The following LMCD1 variants were observed in gnomAD, a reference collection of about 807,000 sequenced individuals.
LMCD1 encodes the protein LIM and cysteine-rich domains protein 1.
In LMCD1, 32 loss-of-function variants were observed where a neutral mutation model predicts 42.7. The ratio of observed to expected loss-of-function variants is 0.75; its 90% CI spans 0.57 to 1.01. The LOEUF is 1.01. Among genes scored for constraint, LMCD1 ranks in the 50% least tolerant of loss-of-function variants. LMCD1 has a pLI of 0.00. For synonymous variants in LMCD1, 178 were observed against 184.9 expected (o/e 0.96, Z 0.30); for missense variants, 458 against 483.1 (o/e 0.95, Z 0.49).
intron 2 of LMCD1, 25 bp downstream of exon 2, chr3:8,532,850 C>T (rs777378474): frequency 1.9e-6 from 3 of 1,588,728 alleles, no homozygotes. Context: ...CAGGAGGGTC[C>T]CTGTCTGCCT....
chr3:8,539,795 T>TTTTA (rs773512441), intron 3 of LMCD1, among the ~76,000 whole-genome samples: 5 of 139,842 alleles, frequency 3.6e-5, no homozygotes, highest in Non-Finnish European at 6.2e-5. Context: ...TCCCAACATT[T>TTTTA]TTATTATTAT....
At chr3:8,510,958 C>A (rs895591324) in intron 1 of LMCD1, among the ~76,000 whole-genome samples, 1 of 152,226 alleles carries the variant, frequency 6.6e-6, no homozygotes, top group Non-Finnish European at 1.5e-5. Flanking sequence ...ATATACACAT[C>A]TATGCATAGG....
Position 8,532,772 on chromosome 3 carries a change from G to A in LMCD1, c.78G>A (p.Val26=), listed in dbSNP as rs1190205067. The stretch of plus-strand genomic sequence containing the variant: ...GCCAGCTGCAGTCAGCAAGAGGTGT[G>A]GCATGTTTGGGATGCAAGGGGACGT... ...SLGQLQSARG[V]ACLGCKGTCS... is the part of the protein sequence containing the mutation. Residue 26 remains valine (V), a synonymous_variant, in exon 2 of 6, where the codon GTG becomes GTA. Coordinates refer to ENST00000157600, the MANE Select transcript of LMCD1 (RefSeq NM_014583.4). 6.2e-7 allele frequency: 1 copy of A among 1,613,826 alleles called. No homozygotes were observed. Among genetic ancestry groups the A allele is most frequent in the Non-Finnish European group, 8.5e-7 (1 of 1,179,932 alleles).
intron 1 of LMCD1, among the ~76,000 whole-genome samples, chr3:8,510,734 G>T (rs764403325): frequency 1.1e-4 from 17 of 152,114 alleles, no homozygotes; most frequent in Non-Finnish European, 2.1e-4. Context: ...CATTAACTTA[G>T]TAAAGGCACA....
At chr3:8,557,453 T>A (rs1694946737) in intron 4 of LMCD1, among the ~76,000 whole-genome samples, 1 of 152,238 alleles carries the variant, frequency 6.6e-6, no homozygotes, top group African/African-American at 2.4e-5. Flanking sequence ...TTAGACTGGA[T>A]AGGCCTTTGG....
chr3:8,534,939 CT>C (rs1452574322), intron 2 of LMCD1, among the ~76,000 whole-genome samples: 1 of 152,074 alleles, frequency 6.6e-6, no homozygotes, highest in Non-Finnish European at 1.5e-5. Context: ...GATCTGTTAA[CT>C]TTTTTTTGTT....
chr3:8,561,624 T>A (rs542585654), intron 4 of LMCD1, among the ~76,000 whole-genome samples: 1 of 152,348 alleles, frequency 6.6e-6, no homozygotes, highest in East Asian at 1.9e-4. Flanking sequence ...TTGGCCTTTG[T>A]TCAAATCCTA....
chr3:8,506,751 G>A (rs535377194), intron 1 of LMCD1, among the ~76,000 whole-genome samples: 1 of 152,274 alleles, frequency 6.6e-6, no homozygotes, highest in Admixed American at 6.5e-5. Context: ...ATTTCTGGCA[G>A]GGGCGTGAGT....
chr3:8,508,389 C>T (rs972822640), intron 1 of LMCD1, among the ~76,000 whole-genome samples: 1 of 152,102 alleles, frequency 6.6e-6, no homozygotes, highest in South Asian at 2.1e-4. Flanking sequence ...AACAAAGGCT[C>T]CATTTGGCAA....
chr3:8,511,504 G>A (rs1693999396), intron 1 of LMCD1, among the ~76,000 whole-genome samples: 2 of 152,206 alleles, frequency 1.3e-5, no homozygotes, highest in South Asian at 4.1e-4. Context: ...GACTGAGAGA[G>A]ATCAGAAGAG....
chr3:8,521,476 T>C (rs1483415997), intron 1 of LMCD1, among the ~76,000 whole-genome samples: 1 of 152,226 alleles, frequency 6.6e-6, no homozygotes, highest in Non-Finnish European at 1.5e-5. Flanking sequence ...TCTCAAAGGC[T>C]GTCGCCCATG....
intron 1 of LMCD1, among the ~76,000 whole-genome samples, chr3:8,511,588 G>A (rs1242701028): frequency 6.6e-6 from 1 of 152,212 alleles, no homozygotes. Context: ...AGTGTTGAAA[G>A]ACAAGGATGA....
chr3:8,553,959 G>C (rs1486506384), intron 4 of LMCD1, among the ~76,000 whole-genome samples: 1 of 152,170 alleles, frequency 6.6e-6, no homozygotes, highest in Non-Finnish European at 1.5e-5. Flanking sequence ...GGGGATGGAG[G>C]GTAGGAAAGA....
intron 5 of LMCD1, among the ~76,000 whole-genome samples, chr3:8,566,538 C>G (rs1021286752): frequency 6.6e-6 from 1 of 152,148 alleles, no homozygotes; most frequent in Admixed American, 6.5e-5. Flanking sequence ...TGCCCTGGAG[C>G]CTCATTTTTG....
At chr3:8,532,713 C>G in intron 1 of LMCD1, 24 bp from the exon 2 acceptor site, 1 of 1,606,842 alleles carries the variant, frequency 6.2e-7, no homozygotes, top group South Asian at 1.1e-5. Context: ...AAGGAAAACA[C>G]CCTCTTTTCT....
rs986232739 is a variant in LMCD1, at chr3:8,549,990, A to G, written c.723+1087A>G. On this transcript the variant is annotated intron_variant, in intron 4 of 5. Transcript: ENST00000157600. ...CATCTCTTAAAGGCCCCACCTCTCA[A>G]TACTGCCATGCAGAGGATTATGTTT... The G allele has an allele frequency of 2.8e-5, 42 of 1,477,932 alleles. No homozygotes were observed. The African/African-American group carries it at 4.0e-4, about 14-fold the overall frequency. The allele number at this position is 1,477,932 out of a possible 1,614,324, so 91.6% of individuals were successfully genotyped here. A position where few individuals can be genotyped will look rare whatever the true frequency, so the allele number is the denominator to read the frequency against.
rs1043451210 is a variant in LMCD1, at chr3:8,570,549, C to T, written c.*2951C>T. 1.3e-5 allele frequency: 2 copies of T among 152,410 alleles called. No individual in the cohort carries two copies. Among genetic ancestry groups the T allele is most frequent in the African/African-American group, 2.4e-5 (1 of 41,436 alleles). 9.4% of individuals were successfully genotyped at this position (152,410 alleles called of 1,614,324 possible). A position where few individuals can be genotyped will look rare whatever the true frequency, so the allele number is the denominator to read the frequency against. ...CACCTGAATCATCTCTGCCACTTGC[C>T]TTCATATCTGATGGGTCACTCAGTC... is the stretch of plus-strand genomic sequence containing the variant. On this transcript the variant is annotated 3_prime_UTR_variant, in exon 6 of 6. Coordinates refer to ENST00000157600, the MANE Select transcript of LMCD1 (RefSeq NM_014583.4).
In LMCD1 at chr3:8,572,524, T is replaced by C. The variant is rs1695236109; in HGVS notation, c.*4926T>C. 2 of 152,254 alleles carry C rather than the reference T, an allele frequency of 1.3e-5. No individual in the cohort carries two copies. Among genetic ancestry groups the C allele is most frequent in the African/African-American group, 2.4e-5 (1 of 41,468 alleles). The allele number at this position is 152,254 out of a possible 1,614,324, so 9.4% of individuals were successfully genotyped here. ...CTGATCGAACTAATTATTATTATGA[T>C]AGTTGCCAAATGTTGGTTTTTCTAA... On this transcript the variant is annotated 3_prime_UTR_variant, in exon 6 of 6. Coordinates refer to ENST00000157600, the MANE Select transcript of LMCD1 (RefSeq NM_014583.4).
At chr3:8,524,969 G>A (rs58900648) in intron 1 of LMCD1, among the ~76,000 whole-genome samples, 5,722 of 152,144 alleles carry the variant, frequency 0.038, 241 homozygotes, top group African/African-American at 0.1. Flanking sequence ...ATAGACGTGG[G>A]CCACCGAGCC....
Sources: gnomAD v4.1 joint callset for allele counts (sites outside exome capture counted in the v4.1 genomes callset) on GRCh38, gnomAD v4.1.1 for gene constraint, MANE v1.5 for transcripts, NCBI Gene and HGNC (gene_info 2026-07-23, HGNC 2026-07-21) for gene names.